The following BCAS3 variants were observed in gnomAD, a reference collection of about 807,000 sequenced individuals.
BCAS3 encodes the protein BCAS4/BCAS3 fusion.
In BCAS3, 53 loss-of-function variants were observed where a neutral mutation model predicts 116.1. The ratio of observed to expected loss-of-function variants is 0.46; its 90% CI spans 0.37 to 0.57. BCAS3 has a LOEUF of 0.57. BCAS3 is among the 20% of genes least tolerant of loss of function. BCAS3 has a pLI of 0.00. For synonymous variants in BCAS3, 391 were observed against 408.2 expected, an observed-to-expected ratio of 0.96 and a Z score of 0.51; for missense variants, 917 against 1,165.4, an observed-to-expected ratio of 0.79 and a Z score of 3.10.
chr17:60,905,080 A>G (rs2058117333), intron 11 of BCAS3, among the ~76,000 whole-genome samples: 1 of 152,192 alleles, frequency 6.6e-6, no homozygotes, highest in Non-Finnish European at 1.5e-5. Context: ...AATCCTAAAT[A>G]AAATATTTGC....
rs542690028 is a variant in BCAS3, at chr17:61,219,228, A to C, written c.2425+134664A>C. On this transcript the variant is annotated intron_variant, in intron 22 of 23. Transcript: ENST00000407086. The surrounding 1 kb of genome is among the most constrained non-coding windows in gnomAD (Gnocchi z 5.2). The stretch of plus-strand genomic sequence containing the variant: ...TGGTAAAGTAGGTTGTCCTCTAAAC[A>C]TACAATCTCTGAGAAAGATCCTTGT... 3.9e-5 allele frequency among the ~76,000 whole-genome samples: 6 copies of C among 152,292 alleles called. 1 individual carries two copies. Among genetic ancestry groups the C allele is most frequent in the African/African-American group, 1.4e-4 (6 of 41,568 alleles).
At chr17:60,775,125 A>G (rs911349525) in intron 6 of BCAS3, among the ~76,000 whole-genome samples, 4 of 152,232 alleles carry the variant, frequency 2.6e-5, no homozygotes, top group African/African-American at 9.6e-5. Context: ...ATTTTAATGT[A>G]TCTTTGGAGA....
intron 6 of BCAS3, among the ~76,000 whole-genome samples, chr17:60,770,834 G>GTT (rs60854011): frequency 0.012 from 901 of 76,774 alleles, 46 homozygotes; most frequent in East Asian, 0.03. Flanking sequence ...ACTGAAATTT[G>GTT]TTTTTTTTTT....
rs1344578136 is a variant in BCAS3 at position 61,343,374 on chromosome 17, A to G, written c.2426-24953A>G. 6.6e-6 allele frequency among the ~76,000 whole-genome samples: 1 copy of G among 152,214 alleles called. No homozygotes were observed. Among genetic ancestry groups the G allele is most frequent in the Non-Finnish European group, 1.5e-5 (1 of 68,036 alleles). The stretch of plus-strand genomic sequence containing the variant: ...TCCTGTTCTCTAAGTACCAATGGTC[A>G]GGCAGACACACCGACCCAGGCAGGA... On this transcript the variant is annotated intron_variant, in intron 22 of 23. Transcript: ENST00000407086. The surrounding 1 kb of genome is among the most constrained non-coding windows in gnomAD (Gnocchi z 5.5).
chr17:60,780,020 C>A (rs1482729312), intron 6 of BCAS3, among the ~76,000 whole-genome samples: 1 of 149,232 alleles, frequency 6.7e-6, no homozygotes, highest in Non-Finnish European at 1.5e-5. Context: ...GATGGAGTCT[C>A]GCTCTGTTGC....
Position 61,346,662 on chromosome 17 carries a change from C to G in BCAS3, c.2426-21665C>G, listed in dbSNP as rs2057520951. ...AAATGACAGAACAAGGGCCTTGAAG[C>G]CTGAGCCTTTAACCATTTCCTATAC... is the stretch of plus-strand genomic sequence containing the variant. On this transcript the variant is annotated intron_variant, in intron 22 of 23. Coordinates refer to ENST00000407086, the MANE Select transcript of BCAS3 (RefSeq NM_017679.5). The surrounding 1 kb of genome is among the most constrained non-coding windows in gnomAD (Gnocchi z 5.4). Among the ~76,000 whole-genome samples, 1 of 152,224 alleles carries G rather than the reference C, an allele frequency of 6.6e-6. No homozygotes were observed. Among genetic ancestry groups the G allele is most frequent in the African/African-American group, 2.4e-5 (1 of 41,460 alleles).
intron 22 of BCAS3, among the ~76,000 whole-genome samples, chr17:61,172,987 C>CAAAT (rs56769937): frequency 0.068 from 10,117 of 149,648 alleles, 1,138 homozygotes; most frequent in African/African-American, 0.23. Context: ...GATTCCATCT[C>CAAAT]AAATAAATAA....
intron 15 of BCAS3, among the ~76,000 whole-genome samples, chr17:60,999,553 A>G (rs1325164078): frequency 6.7e-6 from 1 of 149,790 alleles, no homozygotes; most frequent in Non-Finnish European, 1.5e-5. Context: ...TCTCAAAAAA[A>G]AAAAAAAAAA....
intron 14 of BCAS3, among the ~76,000 whole-genome samples, chr17:60,976,117 G>A (rs1028251138): frequency 6.7e-5 from 9 of 133,642 alleles, no homozygotes; most frequent in African/African-American, 1.7e-4. Context: ...TCTGCCTCCC[G>A]GGTTCACACC....
chr17:61,368,270 A>C lies in BCAS3; in HGVS notation c.2426-57A>C. On this transcript the variant is annotated intron_variant, in intron 22 of 23. Coordinates refer to ENST00000407086, the MANE Select transcript of BCAS3 (RefSeq NM_017679.5). This position sits in a 1 kb window ranked among gnomAD's most constrained non-coding sequence, Gnocchi z 6.0. ...GAGGAGCGGGTGGGAGGTAGACAAG[A>C]ATGGCCTGCTCCCTGAAGGTGTGGA... The C allele has an allele frequency of 6.6e-7, 1 of 1,524,670 alleles. No homozygotes were observed. The highest frequency in any genetic ancestry group is 1.3e-5 in the South Asian group (1 of 79,278). The allele number at this position is 1,524,670 out of a possible 1,614,324, so 94.4% of individuals were successfully genotyped here.
chr17:60,860,276 T>C (rs1168345975), intron 7 of BCAS3, among the ~76,000 whole-genome samples: 2 of 152,248 alleles, frequency 1.3e-5, no homozygotes, highest in African/African-American at 4.8e-5. Context: ...TTTCATATGC[T>C]TGTTGGCCAT....
chr17:61,123,472 A>G (rs929158452), intron 22 of BCAS3, among the ~76,000 whole-genome samples: 7 of 152,194 alleles, frequency 4.6e-5, no homozygotes, highest in African/African-American at 1.4e-4. Context: ...AATAATAATG[A>G]TAATATATAC....
chr17:60,750,898 T>G (rs2042400856), intron 6 of BCAS3, among the ~76,000 whole-genome samples: 2 of 152,266 alleles, frequency 1.3e-5, no homozygotes, highest in African/African-American at 4.8e-5. Context: ...GACTTAATGT[T>G]CTTTAATTGT....
intron 22 of BCAS3, among the ~76,000 whole-genome samples, chr17:61,094,057 G>C (rs747027179): frequency 1.3e-5 from 2 of 152,132 alleles, no homozygotes; most frequent in Non-Finnish European, 2.9e-5. Context: ...AGTATAGATG[G>C]TGCAGAAGCA....
chr17:61,034,663 A>T lies in BCAS3; in HGVS notation c.1638-3A>T. 3.1e-6 allele frequency: 5 copies of T among 1,595,554 alleles called. No homozygotes were observed. Among genetic ancestry groups the T allele is most frequent in the Non-Finnish European group, 3.4e-6 (4 of 1,170,278 alleles). On this transcript the variant is annotated splice_polypyrimidine_tract_variant and splice_region_variant and intron_variant, in intron 16 of 23. Coordinates refer to ENST00000407086, the MANE Select transcript of BCAS3 (RefSeq NM_017679.5). This position sits in a 1 kb window ranked among gnomAD's most constrained non-coding sequence, Gnocchi z 5.0. ...GTTTTTTACTCTTATTTTATTTTTT[A>T]AGCAAAGTTAAACCTCCTCCACAAA...
chr17:61,071,124 A>G (rs923453994), intron 19 of BCAS3, among the ~76,000 whole-genome samples: 2 of 152,226 alleles, frequency 1.3e-5, no homozygotes, highest in African/African-American at 4.8e-5. Flanking sequence ...TTGAGGTTAT[A>G]GTGAAGAATT....
chr17:61,108,342 A>G (rs2074812381), intron 22 of BCAS3, among the ~76,000 whole-genome samples: 1 of 152,162 alleles, frequency 6.6e-6, no homozygotes, highest in African/African-American at 2.4e-5. Context: ...CCTGTAAAAA[A>G]CATATAGTTG....
intron 6 of BCAS3, among the ~76,000 whole-genome samples, chr17:60,755,820 A>G (rs2042939438): frequency 6.6e-6 from 1 of 152,168 alleles, no homozygotes; most frequent in Admixed American, 6.5e-5. Context: ...AAATTGATAC[A>G]AATATTTTAC....
In BCAS3 at chr17:61,087,165, T is replaced by A. The variant is rs2073158893; in HGVS notation, c.2425+2601T>A. 4 of 985,424 alleles carry A rather than the reference T, an allele frequency of 4.1e-6. No individual in the cohort carries two copies. The highest frequency in any genetic ancestry group is 4.8e-6 in the Non-Finnish European group (4 of 829,952). The allele number at this position is 985,424 out of a possible 1,614,324, so 61.0% of individuals were successfully genotyped here. On this transcript the variant is annotated intron_variant, in intron 22 of 23. Coordinates refer to ENST00000407086, the MANE Select transcript of BCAS3 (RefSeq NM_017679.5). The surrounding 1 kb of genome is among the most constrained non-coding windows in gnomAD (Gnocchi z 4.6). ...CCGGGAAGTGCACCTCTGATTATGATCCATGCATTGGAGTCAGCTGCACAT... is the reference window on the plus strand; with the variant it reads ...CCGGGAAGTGCACCTCTGATTATGAACCATGCATTGGAGTCAGCTGCACAT...
Sources: allele counts gnomAD v4.1 joint callset (sites outside exome capture counted in the v4.1 genomes callset), GRCh38; gene constraint gnomAD v4.1.1; non-coding constraint Gnocchi (gnomAD v3.1); transcripts MANE v1.5; gene names NCBI Gene and HGNC (gene_info 2026-07-23, HGNC 2026-07-21).